The following LZTS3 variants were observed in gnomAD, a reference collection of about 807,000 sequenced individuals.
The protein encoded by LZTS3 is leucine zipper putative tumor suppressor 3.
A neutral mutation model predicts 50.9 loss-of-function variants in LZTS3; 16 were observed. That is an observed-to-expected ratio of 0.31 (90% CI 0.21 to 0.48). LZTS3 has a LOEUF of 0.48. Ranked by LOEUF, LZTS3 falls within the 20% of genes least tolerant of loss-of-function variation. LZTS3 has a pLI of 0.99. For synonymous variants in LZTS3, 408 were observed against 410.6 expected (o/e 0.99, Z 0.08); for missense variants, 816 against 931.0 (o/e 0.88, Z 1.61).
In LZTS3 at chr20:3,164,200, C is replaced by G. The variant is rs1305312696; in HGVS notation, c.*254G>C. On this transcript the variant is annotated 3_prime_UTR_variant, in exon 5 of 5. Transcript: ENST00000337576. ...GAGAAAGGGAGCATGACTCCCCCACCACCTAGGATTGCCCCCACTCACCCT... is the reference window on the plus strand; with the variant it reads ...GAGAAAGGGAGCATGACTCCCCCACGACCTAGGATTGCCCCCACTCACCCT... The G allele has an allele frequency of 7.2e-6, 3 of 418,334 alleles. No homozygotes were observed. Among genetic ancestry groups the G allele is most frequent in the Admixed American group, 8.9e-5 (2 of 22,576 alleles). 25.9% of individuals were successfully genotyped at this position (418,334 alleles called of 1,614,324 possible).
chr20:3,167,148 T>C lies in LZTS3; in HGVS notation c.16A>G (p.Thr6Ala), dbSNP rs1339598933. The stretch of plus-strand genomic sequence containing the variant: ...CCTGGGTCAGCGCGCACAGGCAGCG[T>C]CTCCAGCTTCGCCATGACTAAGCCA... MAKLE[T>A]LPVRADPGRD... Residue 6 changes from threonine to alanine, a missense_variant, in exon 3 of 5, where the codon ACG (threonine) becomes GCG (alanine). Thr to Ala is a moderately conservative substitution (Grantham distance 58). Transcript: ENST00000337576. The C allele has an allele frequency of 6.7e-7, 1 of 1,482,244 alleles. No individual in the cohort carries two copies. The highest frequency in any genetic ancestry group is 1.4e-5 in the South Asian group (1 of 72,286). 91.8% of individuals were successfully genotyped at this position (1,482,244 alleles called of 1,614,324 possible).
intron 1 of LZTS3, 79 bp from the exon 2 acceptor site, chr20:3,168,040 G>T: frequency 7.4e-6 from 1 of 134,798 alleles, no homozygotes; most frequent in Non-Finnish European, 1.6e-5. Context: ...AGCGCCTGAG[G>T]AAACGGGGGT....
At chr20:3,169,879 TAAAAAAAAAAAAA>T (rs34415260) in intron 1 of LZTS3, among the ~76,000 whole-genome samples, 1 of 62,482 alleles carries the variant, frequency 1.6e-5, no homozygotes, top group African/African-American at 7.1e-5. Context: ...ACTCTTTCCT[TAAAAAAAAAAAAA>T]AAAAAAAAAA....
chr20:3,166,069 T>C lies in LZTS3; in HGVS notation c.751A>G (p.Ile251Val), dbSNP rs776518845. 2 of 1,612,774 alleles carry C rather than the reference T, an allele frequency of 1.2e-6. No homozygotes were observed. Among genetic ancestry groups the C allele is most frequent in the East Asian group, 2.2e-5 (1 of 44,828 alleles). ...CCACTACCATAGCTGGCAGTGCCAATGCGGTTAATGTGGCTGGTGGAGGCA... is the reference window on the plus strand; with the variant it reads ...CCACTACCATAGCTGGCAGTGCCAACGCGGTTAATGTGGCTGGTGGAGGCA... ...LSASTSHINR[I>V]GTASYGSGSG... Residue 251 changes from isoleucine (I) to valine (V), a missense_variant, in exon 4 of 5, where the codon ATT becomes GTT. Physicochemically the swap from Ile to Val is conservative, Grantham distance 29. Transcript: ENST00000337576.
chr20:3,172,215 G>A (rs1341500423), intron 1 of LZTS3, among the ~76,000 whole-genome samples: 1 of 152,228 alleles, frequency 6.6e-6, no homozygotes, highest in African/African-American at 2.4e-5. Flanking sequence ...AAGACCAAGT[G>A]CAGTAGACAG....
chr20:3,166,650 G>T, intron 3 of LZTS3, 55 bp downstream of exon 3: 2 of 1,577,968 alleles, frequency 1.3e-6, no homozygotes, highest in East Asian at 2.3e-5. Context: ...TCCTCTCTGG[G>T]TTGCCTCCCA....
intron 2 of LZTS3, 100 bp downstream of exon 2, chr20:3,167,638 A>T: frequency 3.0e-6 from 3 of 989,656 alleles, no homozygotes; most frequent in Non-Finnish European, 3.6e-6. Context: ...GGAGAGCAGT[A>T]CCTGAATCCA....
At position 3,163,735 on chromosome 20, in the gene LZTS3, C is replaced by A. The variant is rs2122156130; in HGVS notation, c.*719G>T. Reference sequence around the variant, plus strand: ...AGGGTAGAGCCGAGAAGCCGTCAGGCAACGCTTCCCAAGAACAGGAGGACA... The same window carrying A: ...AGGGTAGAGCCGAGAAGCCGTCAGGAAACGCTTCCCAAGAACAGGAGGACA... On this transcript the variant is annotated 3_prime_UTR_variant, in exon 5 of 5. Coordinates refer to ENST00000337576, the MANE Select transcript of LZTS3 (RefSeq NM_001365618.1). This position sits in a 1 kb window ranked among gnomAD's most constrained non-coding sequence, Gnocchi z 5.2. The A allele has an allele frequency of 6.6e-6, 1 of 152,480 alleles. No individual in the cohort carries two copies. The highest frequency in any genetic ancestry group is 2.1e-4 in the South Asian group (1 of 4,830). 9.4% of individuals were successfully genotyped at this position (152,480 alleles called of 1,614,324 possible). A position where few individuals can be genotyped will look rare whatever the true frequency, so the allele number is the denominator to read the frequency against.
chr20:3,167,393 C>T, intron 2 of LZTS3: 1 of 1,334,858 alleles, frequency 7.5e-7, no homozygotes, highest in Non-Finnish European at 9.6e-7. Context: ...CTGATAAAGC[C>T]CAACCCCCAG....
Position 3,166,628 on chromosome 20 carries a change from C to T in LZTS3, c.459+77G>A, listed in dbSNP as rs2066825652. On this transcript the variant is annotated intron_variant, in intron 3 of 4. Transcript: ENST00000337576. ...CCCCACAACCCAACCTCCAAGAAGG[C>T]CCACTTTGCCTTCCTCTCTGGGTTG... 4 of 1,538,556 alleles carry T rather than the reference C, an allele frequency of 2.6e-6. No individual in the cohort carries two copies. In the Admixed American group the frequency reaches 6.9e-5, roughly 27 times the overall value.
In LZTS3 at chr20:3,165,281, C is replaced by T. The variant is rs1304026051; in HGVS notation, c.1324-129G>A. 7 of 1,163,682 alleles carry T rather than the reference C, an allele frequency of 6.0e-6. No homozygotes were observed. The highest frequency in any genetic ancestry group is 8.2e-6 in the Non-Finnish European group (7 of 853,872). The allele number at this position is 1,163,682 out of a possible 1,614,324, so 72.1% of individuals were successfully genotyped here. ...TGCAGGCTCAGCCCCTCATCAGCAG[C>T]GACGCACCCGATTCCCTGCCTGGAC... On this transcript the variant is annotated intron_variant, in intron 4 of 4. Coordinates refer to ENST00000337576, the MANE Select transcript of LZTS3 (RefSeq NM_001365618.1). This position sits in a 1 kb window ranked among gnomAD's most constrained non-coding sequence, Gnocchi z 5.0.
chr20:3,165,405 C>A lies in LZTS3; in HGVS notation c.1323+92G>T. On this transcript the variant is annotated intron_variant, in intron 4 of 4. Coordinates refer to ENST00000337576, the MANE Select transcript of LZTS3 (RefSeq NM_001365618.1). This position sits in a 1 kb window ranked among gnomAD's most constrained non-coding sequence, Gnocchi z 5.0. Reference sequence around the variant, plus strand: ...CTGCTCCTTTCATCCCCCCCCCCATCCCACCGTTATGATAGTGAGGGGCAA... The same window carrying A: ...CTGCTCCTTTCATCCCCCCCCCCATACCACCGTTATGATAGTGAGGGGCAA... 8.6e-7 allele frequency: 1 copy of A among 1,160,968 alleles called. No individual in the cohort carries two copies. The highest frequency in any genetic ancestry group is 1.2e-6 in the Non-Finnish European group (1 of 868,690). 71.9% of individuals were successfully genotyped at this position (1,160,968 alleles called of 1,614,324 possible).
chr20:3,164,244 C>A lies in LZTS3; in HGVS notation c.*210G>T. The stretch of plus-strand genomic sequence containing the variant: ...TCACCCTGCCCTCCTCCTATTCCCT[C>A]CTTTTAGGGGGGTCCAAGTGGGCTG... On this transcript the variant is annotated 3_prime_UTR_variant, in exon 5 of 5. Transcript: ENST00000337576. The A allele has an allele frequency of 2.1e-6, 1 of 476,296 alleles. No homozygotes were observed. Among genetic ancestry groups the A allele is most frequent in the Non-Finnish European group, 3.6e-6 (1 of 280,818 alleles). 29.5% of individuals were successfully genotyped at this position (476,296 alleles called of 1,614,324 possible).
At chr20:3,168,419 G>A (rs1014009195) in intron 1 of LZTS3, 2 of 152,494 alleles carry the variant, frequency 1.3e-5, no homozygotes, top group Non-Finnish European at 2.9e-5. Context: ...ACCCCGCAAA[G>A]AATTCACTGC....
intron 1 of LZTS3, among the ~76,000 whole-genome samples, chr20:3,172,282 A>G (rs536008576): frequency 6.6e-6 from 1 of 152,290 alleles, no homozygotes; most frequent in Admixed American, 6.5e-5. Context: ...TAGGGGTGCA[A>G]CCTCATGCAG....
At position 3,166,192 on chromosome 20, in the gene LZTS3, C is replaced by A. The variant is rs745678566; in HGVS notation, c.628G>T (p.Gly210Cys). 5 of 1,613,822 alleles carry A rather than the reference C, an allele frequency of 3.1e-6. No homozygotes were observed. The South Asian group carries it at 3.3e-5, about 11-fold the overall frequency. Residue 210 changes from glycine to cysteine, a missense_variant, in exon 4 of 5, where the codon GGT (glycine) becomes TGT (cysteine). Around this residue, in one of 3 missense-constraint regions of LZTS3, gnomAD observed 700 missense variants for 769.4 expected, o/e 0.91. Transcript: ENST00000337576. The stretch of plus-strand genomic sequence containing the variant: ...TCTGAGAGGCCACTCCCACTCCCAC[C>A]CGCTGGAGTCATGGTCCGAGACTTG... ...LDKSRTMTPA[G>C]GSGSGLSDSG...
chr20:3,167,134 G>A lies in LZTS3; in HGVS notation c.30C>T (p.Arg10=), dbSNP rs770771193. MAKLETLPV[R]ADPGRDPLLA... ...GGAGAGGATCCCGCCCTGGGTCAGC[G>A]CGCACAGGCAGCGTCTCCAGCTTCG... Residue 10 remains arginine, a synonymous_variant, in exon 3 of 5, where the codon CGC becomes CGT. Coordinates refer to ENST00000337576, the MANE Select transcript of LZTS3 (RefSeq NM_001365618.1). The A allele has an allele frequency of 5.5e-5, 82 of 1,494,284 alleles. No individual in the cohort carries two copies. Among genetic ancestry groups the A allele is most frequent in the African/African-American group, 1.1e-4 (8 of 71,988 alleles). 92.6% of individuals were successfully genotyped at this position (1,494,284 alleles called of 1,614,324 possible).
Position 3,165,659 on chromosome 20 carries a change from C to T in LZTS3, c.1161G>A (p.Gln387=), listed in dbSNP as rs1290906607. ...QVARRAQRAQ[Q]GLQLQVLRLQ... ...GCCGCAACACCTGCAGCTGTAGGCC[C>T]TGCTGGGCGCGCTGGGCACGTCGGG... is the stretch of plus-strand genomic sequence containing the variant. The change falls in exon 4 of 5, where the codon CAG becomes CAA. Residue 387 remains glutamine, a synonymous_variant. Coordinates refer to ENST00000337576, the MANE Select transcript of LZTS3 (RefSeq NM_001365618.1). The surrounding 1 kb of genome is among the most constrained non-coding windows in gnomAD (Gnocchi z 5.0). The T allele has an allele frequency of 1.9e-6, 3 of 1,591,574 alleles. No homozygotes were observed. The highest frequency in any genetic ancestry group is 1.7e-6 in the Non-Finnish European group (2 of 1,176,016).
At chr20:3,170,452 G>A (rs1386221707) in intron 1 of LZTS3, among the ~76,000 whole-genome samples, 2 of 133,266 alleles carry the variant, frequency 1.5e-5, no homozygotes, top group African/African-American at 2.9e-5. Context: ...TCATGCCACT[G>A]CACTCCAGCC....
Sources: gnomAD v4.1 joint callset for allele counts (sites outside exome capture counted in the v4.1 genomes callset) on GRCh38, gnomAD v4.1.1 for gene constraint, gnomAD v4.1.1 regional missense constraint, Gnocchi (gnomAD v3.1) non-coding constraint, MANE v1.5 for transcripts, NCBI Gene and HGNC (gene_info 2026-07-23, HGNC 2026-07-21) for gene names.